Variants in NFIA observed in about 807,000 individuals in gnomAD.
The protein encoded by NFIA is nuclear factor 1 A-type.
Under a neutral mutation model 62.8 loss-of-function variants are expected in NFIA, and 8 were observed. The ratio of observed to expected loss-of-function variants is 0.13; its 90% confidence interval spans 0.07 to 0.23. The LOEUF (loss-of-function observed/expected upper bound fraction) is 0.23. Ranked by LOEUF, NFIA falls within the 10% of genes least tolerant of loss-of-function variation. NFIA has a pLI of 1.00. For synonymous variants in NFIA, 235 were observed against 238.1 expected (o/e 0.99, Z 0.12); for missense variants, 410 against 642.1 (o/e 0.64, Z 3.91).
intron 3 of NFIA, among the ~76,000 whole-genome samples, chr1:61,283,591 A>AG (rs2100290250): frequency 8.3e-6 from 1 of 120,512 alleles, no homozygotes; most frequent in South Asian, 2.6e-4. Flanking sequence ...CAAAAAAAAA[A>AG]AAAAAAAAAA....
At chr1:61,150,590 A>G (rs1034048366) in intron 2 of NFIA, among the ~76,000 whole-genome samples, 1 of 152,222 alleles carries the variant, frequency 6.6e-6, no homozygotes, top group Admixed American at 6.5e-5. Flanking sequence ...GGCTAGAGCA[A>G]CTGCTTACGA....
chr1:61,331,288 A>C (rs998229867), intron 3 of NFIA, among the ~76,000 whole-genome samples: 67 of 152,344 alleles, frequency 4.4e-4, no homozygotes, highest in African/African-American at 1.6e-3. Context: ...GCAAAAATCC[A>C]GTGTAACCTA....
intron 4 of NFIA, among the ~76,000 whole-genome samples, chr1:61,334,963 C>G (rs1570597468): frequency 6.6e-6 from 1 of 152,220 alleles, no homozygotes; most frequent in South Asian, 2.1e-4. Context: ...GCTTGGCTGC[C>G]AAATGAATTC....
chr1:61,262,722 T>C (rs1012640009), intron 2 of NFIA, among the ~76,000 whole-genome samples: 8 of 152,360 alleles, frequency 5.3e-5, no homozygotes, highest in African/African-American at 1.9e-4. Flanking sequence ...TCAGTGATTT[T>C]TTTGGAAATC....
At chr1:61,186,287 C>CTT (rs1651174942) in intron 2 of NFIA, among the ~76,000 whole-genome samples, 1 of 147,502 alleles carries the variant, frequency 6.8e-6, no homozygotes, top group African/African-American at 2.6e-5. Flanking sequence ...CCACTCAGAA[C>CTT]CTCTGTAAAA....
At chr1:61,427,773 G>C (rs1294308984) in intron 10 of NFIA, among the ~76,000 whole-genome samples, 1 of 152,146 alleles carries the variant, frequency 6.6e-6, no homozygotes, top group Non-Finnish European at 1.5e-5. Context: ...GTTAACTCTT[G>C]AATTTCCCAC....
At chr1:61,181,024 A>C (rs1557618637) in intron 2 of NFIA, among the ~76,000 whole-genome samples, 1 of 152,230 alleles carries the variant, frequency 6.6e-6, no homozygotes, top group African/African-American at 2.4e-5. Flanking sequence ...GTTACTACTC[A>C]AGGTTTTAAA....
intron 9 of NFIA, among the ~76,000 whole-genome samples, chr1:61,421,018 GT>G (rs1390349624): frequency 6.6e-6 from 1 of 151,968 alleles, no homozygotes; most frequent in African/African-American, 2.4e-5. Flanking sequence ...CCCTGCCTCT[GT>G]TCCTCCAATT....
intron 2 of NFIA, among the ~76,000 whole-genome samples, chr1:61,177,145 C>T (rs974781627): frequency 3.9e-5 from 6 of 152,142 alleles, no homozygotes; most frequent in East Asian, 3.9e-4. Context: ...GTTATGTTTC[C>T]GTGCTTTATC....
chr1:61,300,432 A>G (rs1393809678), intron 3 of NFIA, among the ~76,000 whole-genome samples: 2 of 152,044 alleles, frequency 1.3e-5, no homozygotes, highest in Admixed American at 6.6e-5. Context: ...GATTTCAAGA[A>G]CTCTAAATAC....
At chr1:61,144,920 A>G (rs1001562488) in intron 2 of NFIA, among the ~76,000 whole-genome samples, 2 of 21,274 alleles carry the variant, frequency 9.4e-5, no homozygotes, top group Non-Finnish European at 1.6e-4. Flanking sequence ...ATCAAGGCGC[A>G]CCTGACACAG....
chr1:61,254,864 A>G (rs1394107042), intron 2 of NFIA, among the ~76,000 whole-genome samples: 1 of 152,216 alleles, frequency 6.6e-6, no homozygotes, highest in Non-Finnish European at 1.5e-5. Context: ...TCTGCCTTAA[A>G]GCAGATTGCA....
chr1:61,133,817 C>T (rs1341140773), intron 2 of NFIA, among the ~76,000 whole-genome samples: 1 of 152,146 alleles, frequency 6.6e-6, no homozygotes. Context: ...GCACTCCAGC[C>T]TGGGCAACAT....
chr1:61,186,328 G>C (rs1651178392), intron 2 of NFIA, among the ~76,000 whole-genome samples: 1 of 152,070 alleles, frequency 6.6e-6, no homozygotes, highest in Non-Finnish European at 1.5e-5. Flanking sequence ...CTACATCATA[G>C]GATTATTGTG....
At chr1:61,273,299 T>G (rs1040363879) in intron 2 of NFIA, among the ~76,000 whole-genome samples, 1 of 152,184 alleles carries the variant, frequency 6.6e-6, no homozygotes, top group African/African-American at 2.4e-5. Context: ...GGGCCTCCTA[T>G]GTGTCAGATA....
intron 2 of NFIA, among the ~76,000 whole-genome samples, chr1:61,089,695 CTTTTTTTTTTTT>C (rs918196815): frequency 1.9e-5 from 2 of 107,750 alleles, no homozygotes; most frequent in African/African-American, 7.0e-5. Flanking sequence ...GTTTTTTTTT[CTTTTTTTTTTTT>C]TTTTTTTACA....
intron 7 of NFIA, among the ~76,000 whole-genome samples, chr1:61,384,325 T>C (rs990978005): frequency 6.6e-6 from 1 of 152,220 alleles, no homozygotes; most frequent in African/African-American, 2.4e-5. Flanking sequence ...GAATGTGCTC[T>C]GTGTGCATCT....
At chr1:61,287,061 C>T (rs909613133) in intron 3 of NFIA, among the ~76,000 whole-genome samples, 3 of 152,110 alleles carry the variant, frequency 2.0e-5, no homozygotes, top group African/African-American at 7.2e-5. Flanking sequence ...AAAGATATGG[C>T]ACATCCTTGA....
At chr1:61,429,228 C>T (rs1310463793) in intron 10 of NFIA, among the ~76,000 whole-genome samples, 1 of 152,144 alleles carries the variant, frequency 6.6e-6, no homozygotes, top group African/African-American at 2.4e-5. Context: ...TGGGCATTTT[C>T]TATGTACTAA....
Sources: allele counts gnomAD v4.1 joint callset (sites outside exome capture counted in the v4.1 genomes callset), GRCh38; gene constraint gnomAD v4.1.1; transcripts MANE v1.5; gene names NCBI Gene and HGNC (gene_info 2026-07-23, HGNC 2026-07-21).